Variants in FLYWCH1 observed in about 807,000 individuals in gnomAD.
FLYWCH1 encodes FLYWCH-type zinc finger-containing protein 1.
FLYWCH1 carries 75 observed loss-of-function variants against 66.4 expected under a neutral mutation model. That is an observed-to-expected ratio of 1.13 (90% CI 0.94 to 1.37). The LOEUF (loss-of-function observed/expected upper bound fraction) is 1.37, where lower values mean the gene tolerates loss of function less well. Among genes scored for constraint, FLYWCH1 ranks in the 40% most tolerant of loss-of-function variants. The probability of loss-of-function intolerance (pLI) is 0.00; values close to 1 mark genes in which losing one functional copy is unlikely to be tolerated. For synonymous variants in FLYWCH1, 595 were observed against 429.9 expected, an observed-to-expected ratio of 1.38 and a Z score of -4.75; for missense variants, 1,334 against 1,001.8, an observed-to-expected ratio of 1.33 and a Z score of -4.48.
intron 2 of FLYWCH1, among the ~76,000 whole-genome samples, chr16:2,919,833 G>A (rs1046350117): frequency 6.6e-6 from 1 of 152,144 alleles, no homozygotes; most frequent in African/African-American, 2.4e-5. Context: ...CATTTCAGGA[G>A]CAACACCACC....
Position 2,930,532 on chromosome 16 carries a change from C to CA in FLYWCH1, c.449dup (p.His150GlnfsTer3). 3.2e-6 allele frequency: 5 copies of CA among 1,545,820 alleles called. No homozygotes were observed. Among genetic ancestry groups the CA allele is most frequent in the Non-Finnish European group, 4.3e-6 (5 of 1,150,802 alleles). On this transcript the variant is annotated frameshift_variant, in exon 4 of 10. Transcript: ENST00000253928. LOFTEE classifies it high-confidence loss of function. ...CAAGGTGTACTGGAAGTGCCGCCAACATGCTGAGCTGGGCTGCCGGGGCCG... is the reference window on the plus strand; with the variant it reads ...CAAGGTGTACTGGAAGTGCCGCCAACAATGCTGAGCTGGGCTGCCGGGGCCG...
rs781769133 is a variant in FLYWCH1, at chr16:2,933,807, G to A, written c.1341G>A (p.Lys447=). The A allele has an allele frequency of 1.6e-5, 25 of 1,608,964 alleles. No individual in the cohort carries two copies. The South Asian group carries it at 2.1e-4, about 13-fold the overall frequency. Reference sequence around the variant, plus strand: ...GGCGGGAGAAGGCGGCTGGGGAGAAGGTGTATTGGACCTGCCGGGACCAGG... The same window carrying A: ...GGCGGGAGAAGGCGGCTGGGGAGAAAGTGTATTGGACCTGCCGGGACCAGG... ...LYRREKAAGE[K]VYWTCRDQAR... is the part of the protein sequence containing the mutation. Residue 447 remains lysine (K), a synonymous_variant, in exon 6 of 10, where the codon AAG becomes AAA. Transcript: ENST00000253928.
intron 3 of FLYWCH1, 32 bp from the exon 4 acceptor site, chr16:2,930,378 G>A (rs771008589): frequency 3.9e-5 from 53 of 1,349,826 alleles, no homozygotes; most frequent in Non-Finnish European, 4.8e-5. Flanking sequence ...CTTTGCTCTA[G>A]CTTAGCTAAC....
intron 1 of FLYWCH1, chr16:2,913,002 C>T (rs1307892297): frequency 2.0e-5 from 3 of 152,206 alleles, no homozygotes; most frequent in Non-Finnish European, 4.4e-5. Context: ...GTTCCTTTCC[C>T]AAGTGCTACT....
At chr16:2,924,849 C>G (rs533822274) in intron 2 of FLYWCH1, among the ~76,000 whole-genome samples, 1 of 152,328 alleles carries the variant, frequency 6.6e-6, no homozygotes, top group Admixed American at 6.5e-5. Flanking sequence ...TGTATTGGAA[C>G]TTTTTCCAGA....
At chr16:2,942,720 CT>C (rs34247000) in intron 9 of FLYWCH1, among the ~76,000 whole-genome samples, 234 of 82,784 alleles carry the variant, frequency 2.8e-3, no homozygotes, top group East Asian at 9.0e-3. Context: ...CATCTGGGAA[CT>C]TTTTTTTTTT....
chr16:2,945,151 A>T (rs1344932086), intron 9 of FLYWCH1, among the ~76,000 whole-genome samples: 1 of 151,136 alleles, frequency 6.6e-6, no homozygotes, highest in Non-Finnish European at 1.5e-5. Flanking sequence ...GGAGTTCAAA[A>T]CCAGCCTGGC....
chr16:2,944,408 A>G (rs74776403), intron 9 of FLYWCH1, among the ~76,000 whole-genome samples: 41,706 of 150,642 alleles, frequency 0.28, 6,023 homozygotes, highest in Admixed American at 0.3. Context: ...AAAAAAAAAA[A>G]AAAGATCACA....
At chr16:2,923,042 TTG>T (rs562333947) in intron 2 of FLYWCH1, 35 of 436,660 alleles carry the variant, frequency 8.0e-5, no homozygotes, top group South Asian at 1.6e-4. Context: ...GGATCTTTTT[TTG>T]TGTGTGTGTG....
chr16:2,927,223 C>T (rs1436861877), intron 2 of FLYWCH1, among the ~76,000 whole-genome samples: 3 of 152,188 alleles, frequency 2.0e-5, no homozygotes, highest in African/African-American at 7.2e-5. Flanking sequence ...CTTAATCCAA[C>T]AGCACCACCT....
chr16:2,924,240 G>C (rs923810817), intron 2 of FLYWCH1, among the ~76,000 whole-genome samples: 4 of 151,750 alleles, frequency 2.6e-5, no homozygotes, highest in Admixed American at 2.0e-4. Flanking sequence ...TGAGGCAGGA[G>C]AATGGCGTGA....
rs760960911 is a variant in FLYWCH1 at position 2,948,920 on chromosome 16, C to A, written c.*193C>A. 1 of 584,970 alleles carries A rather than the reference C, an allele frequency of 1.7e-6. No individual in the cohort carries two copies. Among genetic ancestry groups the A allele is most frequent in the Non-Finnish European group, 3.1e-6 (1 of 327,014 alleles). The allele number at this position is 584,970 out of a possible 1,614,324, so 36.2% of individuals were successfully genotyped here. A position where few individuals can be genotyped will look rare whatever the true frequency, so the allele number is the denominator to read the frequency against. ...ATGGTGTCCTCATGTCGGCGGAGAA[C>A]AGTGCTCAGAGCTGGCGCTTGCAGA... On this transcript the variant is annotated 3_prime_UTR_variant, in exon 10 of 10. Transcript: ENST00000253928.
In FLYWCH1 at chr16:2,933,009, C is replaced by T; in HGVS notation, c.797-121C>T. The T allele has an allele frequency of 5.7e-6, 5 of 872,716 alleles. No homozygotes were observed. In the South Asian group the frequency reaches 8.9e-5, roughly 15 times the overall value. 54.1% of individuals were successfully genotyped at this position (872,716 alleles called of 1,614,324 possible). ...CCTCTGACATATCTGGCTCAGGAAG[C>T]CAGGGTAAATTTCAGCCTTAAAGGA... is the stretch of plus-strand genomic sequence containing the variant. On this transcript the variant is annotated intron_variant, in intron 4 of 9. Coordinates refer to ENST00000253928, the MANE Select transcript of FLYWCH1 (RefSeq NM_001308068.2).
intron 6 of FLYWCH1, chr16:2,935,647 T>A (rs1363514998): frequency 6.6e-6 from 1 of 152,132 alleles, no homozygotes; most frequent in Admixed American, 6.5e-5. Context: ...CAGCCTGGCC[T>A]CCGTGGTGTC....
At chr16:2,916,163 A>G (rs2070160255) in intron 2 of FLYWCH1, among the ~76,000 whole-genome samples, 1 of 152,176 alleles carries the variant, frequency 6.6e-6, no homozygotes, top group Admixed American at 6.5e-5. Context: ...CCTGGCCAAC[A>G]TGATGAAACC....
intron 2 of FLYWCH1, among the ~76,000 whole-genome samples, chr16:2,925,589 A>AGGGG (rs2070536369): frequency 3.9e-5 from 4 of 102,578 alleles, no homozygotes; most frequent in Admixed American, 1.0e-4. Flanking sequence ...GGAGGGGGGT[A>AGGGG]CGGGGCTTTC....
intron 4 of FLYWCH1, among the ~76,000 whole-genome samples, chr16:2,931,842 T>G (rs12447934): frequency 0.61 from 91,885 of 150,580 alleles, 28,411 homozygotes; most frequent in African/African-American, 0.72. Context: ...GGCTGGGCGC[T>G]TTGGCTCACG....
At chr16:2,943,044 C>A (rs1465005997) in intron 9 of FLYWCH1, among the ~76,000 whole-genome samples, 3 of 152,086 alleles carry the variant, frequency 2.0e-5, no homozygotes, top group Admixed American at 6.6e-5. Flanking sequence ...TATGTGGATA[C>A]AATACTATCC....
chr16:2,932,480 A>G (rs1024243243), intron 4 of FLYWCH1, among the ~76,000 whole-genome samples: 26 of 151,978 alleles, frequency 1.7e-4, no homozygotes, highest in Non-Finnish European at 2.8e-4. Context: ...CAAGTGGCAG[A>G]TGGGAGTTCT....
Sources: gnomAD v4.1 joint callset for allele counts (sites outside exome capture counted in the v4.1 genomes callset) on GRCh38, gnomAD v4.1.1 for gene constraint, MANE v1.5 for transcripts, NCBI Gene and HGNC (gene_info 2026-07-23, HGNC 2026-07-21) for gene names.